The following HCN1 variants were observed in gnomAD, a reference collection of about 807,000 sequenced individuals.
The protein encoded by HCN1 is potassium/sodium hyperpolarization-activated cyclic nucleotide-gated channel 1.
HCN1 carries 13 observed loss-of-function variants against 78.9 expected under a neutral mutation model. The ratio of observed to expected loss-of-function variants is 0.16; its 90% CI spans 0.11 to 0.26. The LOEUF is 0.26. Among genes scored for constraint, HCN1 ranks in the 10% least tolerant of loss-of-function variants. HCN1 has a pLI of 1.00. For synonymous variants in HCN1, 552 were observed against 455.5 expected, an observed-to-expected ratio of 1.21 and a Z score of -2.70; for missense variants, 810 against 1,154.3, an observed-to-expected ratio of 0.70 and a Z score of 4.32.
Position 45,260,953 on chromosome 5 carries a change from G to T in HCN1, c.*968C>A, listed in dbSNP as rs1342637977. The stretch of plus-strand genomic sequence containing the variant: ...GATGCTTGATTATGGCAAGAAGAAA[G>T]AAAAGTAACGATTTTTGGTGTAATA... On this transcript the variant is annotated 3_prime_UTR_variant, in exon 8 of 8. Transcript: ENST00000303230. 6.6e-6 allele frequency: 1 copy of T among 152,516 alleles called. No homozygotes were observed. Among genetic ancestry groups the T allele is most frequent in the Admixed American group, 6.6e-5 (1 of 15,264 alleles). 9.4% of individuals were successfully genotyped at this position (152,516 alleles called of 1,614,324 possible).
intron 5 of HCN1, among the ~76,000 whole-genome samples, chr5:45,314,863 A>C (rs1579803436): frequency 6.6e-6 from 1 of 152,214 alleles, no homozygotes; most frequent in Non-Finnish European, 1.5e-5. Flanking sequence ...AGAAGAGCTA[A>C]CTATCCTAAA....
chr5:45,428,745 A>G (rs1740402437), intron 3 of HCN1, among the ~76,000 whole-genome samples: 1 of 152,092 alleles, frequency 6.6e-6, no homozygotes, highest in South Asian at 2.1e-4. Context: ...AATATAGCAA[A>G]AAGATAGAAA....
chr5:45,379,065 A>T (rs1283302775), intron 4 of HCN1, among the ~76,000 whole-genome samples: 3 of 152,170 alleles, frequency 2.0e-5, no homozygotes, highest in Non-Finnish European at 4.4e-5. Flanking sequence ...TATTGTGAAT[A>T]GTGCCCTAAT....
At chr5:45,346,649 T>C (rs1746720084) in intron 5 of HCN1, among the ~76,000 whole-genome samples, 1 of 152,092 alleles carries the variant, frequency 6.6e-6, no homozygotes, top group South Asian at 2.1e-4. Context: ...GAAAATCGGG[T>C]CACTCCCACC....
At chr5:45,383,699 G>A (rs1747858086) in intron 4 of HCN1, among the ~76,000 whole-genome samples, 2 of 150,850 alleles carry the variant, frequency 1.3e-5, no homozygotes, top group African/African-American at 4.9e-5. Context: ...CTCCAGCAAG[G>A]GTGACAGAGA....
chr5:45,504,453 T>C (rs769647797), intron 2 of HCN1, among the ~76,000 whole-genome samples: 17 of 152,232 alleles, frequency 1.1e-4, no homozygotes, highest in Non-Finnish European at 1.8e-4. Flanking sequence ...GGCTGCATAG[T>C]ATTCCATGGT....
At chr5:45,678,015 T>TAC (rs1355947595) in intron 1 of HCN1, among the ~76,000 whole-genome samples, 6 of 103,830 alleles carry the variant, frequency 5.8e-5, no homozygotes, top group Non-Finnish European at 1.1e-4. Context: ...CACACACACA[T>TAC]ACACACACAC....
At position 45,507,885 on chromosome 5, in the gene HCN1, T is replaced by G. The variant is rs374740270; in HGVS notation, c.850-45878A>C. 1.7e-4 allele frequency among the ~76,000 whole-genome samples: 26 copies of G among 152,218 alleles called. 2 individuals are homozygous for G. The highest frequency in any genetic ancestry group is 6.0e-4 in the African/African-American group (25 of 41,552). The stretch of plus-strand genomic sequence containing the variant: ...GCATTTTCTAGGTAGTTTATTATAA[T>G]TCCATGATAAAAATCATTACCTATG... On this transcript the variant is annotated intron_variant, in intron 2 of 7. Transcript: ENST00000303230.
intron 6 of HCN1, among the ~76,000 whole-genome samples, chr5:45,276,392 G>GT (rs1745059205): frequency 6.6e-6 from 1 of 152,144 alleles, no homozygotes. Flanking sequence ...TTAGGATTTA[G>GT]TAAGTCTGGA....
At chr5:45,608,213 T>C (rs1433136154) in intron 2 of HCN1, among the ~76,000 whole-genome samples, 2 of 152,010 alleles carry the variant, frequency 1.3e-5, no homozygotes, top group East Asian at 3.8e-4. Context: ...TCAAAAATGA[T>C]AATAAGTAAT....
chr5:45,685,802 G>C (rs901908330), intron 1 of HCN1, among the ~76,000 whole-genome samples: 1 of 152,186 alleles, frequency 6.6e-6, no homozygotes, highest in African/African-American at 2.4e-5. Flanking sequence ...GCACATCAGG[G>C]CTTCTGCTGC....
At position 45,258,951 on chromosome 5, in the gene HCN1, C is replaced by T. The variant is rs1435787862; in HGVS notation, c.*2970G>A. ...TTCTCATCTGTATATCCAATAATTA[C>T]ACAAAATGGTTGTGTTTTGAAGTTG... On this transcript the variant is annotated 3_prime_UTR_variant, in exon 8 of 8. Coordinates refer to ENST00000303230, the MANE Select transcript of HCN1 (RefSeq NM_021072.4). 1.3e-5 allele frequency: 2 copies of T among 151,836 alleles called. No homozygotes were observed. Among genetic ancestry groups the T allele is most frequent in the Non-Finnish European group, 2.9e-5 (2 of 67,912 alleles). The allele number at this position is 151,836 out of a possible 1,614,324, so 9.4% of individuals were successfully genotyped here.
rs1190328200 is a variant in HCN1 at position 45,660,059 on chromosome 5, T to C, written c.426-14451A>G. Among the ~76,000 whole-genome samples, 8 of 118,816 alleles carry C rather than the reference T, an allele frequency of 6.7e-5. 3 individuals carry two copies. The highest frequency in any genetic ancestry group is 3.0e-4 in the African/African-American group (8 of 26,288). The allele number at this position is 118,816 out of a possible 152,430, so 77.9% of individuals were successfully genotyped here. A position where few individuals can be genotyped will look rare whatever the true frequency, so the allele number is the denominator to read the frequency against. ...ATGTTAAGGGCAGCAGAGAGAAAGG[T>C]CGGGTTACCCTCAAAGGAAAGCCCA... is the stretch of plus-strand genomic sequence containing the variant. On this transcript the variant is annotated intron_variant, in intron 1 of 7. Transcript: ENST00000303230.
intron 2 of HCN1, among the ~76,000 whole-genome samples, chr5:45,543,568 G>A (rs1026405269): frequency 6.6e-6 from 1 of 151,952 alleles, no homozygotes; most frequent in South Asian, 2.1e-4. Context: ...GAATAAATTT[G>A]CTGTTTTTGC....
At chr5:45,593,332 T>A (rs1161934042) in intron 2 of HCN1, among the ~76,000 whole-genome samples, 130 of 121,124 alleles carry the variant, frequency 1.1e-3, no homozygotes, top group Non-Finnish European at 1.9e-3. Flanking sequence ...CCTCTCTCTC[T>A]CTCTCTCTCA....
intron 2 of HCN1, among the ~76,000 whole-genome samples, chr5:45,571,401 TTTA>T (rs1227012475): frequency 6.6e-6 from 1 of 152,140 alleles, no homozygotes; most frequent in African/African-American, 2.4e-5. Context: ...TTTTGGATAT[TTTA>T]TTATCTGGAC....
chr5:45,371,515 T>C (rs1310617308), intron 4 of HCN1, among the ~76,000 whole-genome samples: 1 of 151,780 alleles, frequency 6.6e-6, no homozygotes, highest in Admixed American at 6.6e-5. Context: ...TCCCAGCACT[T>C]TGGGAAGCCG....
At chr5:45,514,010 G>T (rs751564036) in intron 2 of HCN1, among the ~76,000 whole-genome samples, 25 of 152,108 alleles carry the variant, frequency 1.6e-4, no homozygotes, top group Non-Finnish European at 3.7e-4. Flanking sequence ...TTTCTTTGCT[G>T]ATAAGTTTTC....
chr5:45,570,720 T>C (rs892295058), intron 2 of HCN1, among the ~76,000 whole-genome samples: 5 of 152,260 alleles, frequency 3.3e-5, no homozygotes, highest in African/African-American at 1.2e-4. Flanking sequence ...TGTTAGTGCC[T>C]TACTTTTAAA....
Sources: allele counts gnomAD v4.1 joint callset (sites outside exome capture counted in the v4.1 genomes callset), GRCh38; gene constraint gnomAD v4.1.1; transcripts MANE v1.5; gene names NCBI Gene and HGNC (gene_info 2026-07-23, HGNC 2026-07-21).